The following CLASP2 variants were observed in gnomAD, a reference collection of about 807,000 sequenced individuals.
CLASP2 encodes cytoplasmic linker associated protein 2.
Under a neutral mutation model 194.4 loss-of-function variants are expected in CLASP2, and 47 were observed. The observed-to-expected ratio is 0.24, with a 90% CI of 0.19 to 0.31. CLASP2 has a LOEUF of 0.31. Ranked by LOEUF, CLASP2 falls within the 10% of genes least tolerant of loss-of-function variation. The pLI is 1.00. For missense variants in CLASP2, 1,445 were observed against 1,823.6 expected (o/e 0.79, Z 3.78); for synonymous variants, 619 against 633.5 (o/e 0.98, Z 0.34).
At chr3:33,670,437 A>T (rs1657685710) in intron 6 of CLASP2, among the ~76,000 whole-genome samples, 1 of 152,156 alleles carries the variant, frequency 6.6e-6, no homozygotes, top group African/African-American at 2.4e-5. Flanking sequence ...CATTTAAAAT[A>T]TTTTTTTAAA....
rs1436320240 is a variant in CLASP2 at position 33,602,052 on chromosome 3, C to T, written c.1924+900G>A. Among the ~76,000 whole-genome samples the T allele has an allele frequency of 1.2e-4, 18 of 147,706 alleles. 1 individual carries two copies. The highest frequency in any genetic ancestry group is 1.5e-5 in the Non-Finnish European group (1 of 67,466). On this transcript the variant is annotated intron_variant, in intron 18 of 38. Transcript: ENST00000682230. ...TTTTTTTGACGGAGTCTCACTCTGT[C>T]GCCCAGGCTGCAGTGCAATGGCACG...
At chr3:33,672,872 C>T (rs1375226108) in intron 6 of CLASP2, among the ~76,000 whole-genome samples, 4 of 152,000 alleles carry the variant, frequency 2.6e-5, no homozygotes, top group Non-Finnish European at 4.4e-5. Context: ...TGAAATGAAG[C>T]AAGAAGGGAA....
intron 37 of CLASP2, among the ~76,000 whole-genome samples, chr3:33,508,107 A>G (rs542436768): frequency 7.3e-5 from 11 of 151,466 alleles, no homozygotes; most frequent in Non-Finnish European, 1.5e-4. Flanking sequence ...TGATTCTCCT[A>G]CCTCAGCCTG....
intron 10 of CLASP2, among the ~76,000 whole-genome samples, chr3:33,624,712 GTCTC>G (rs770785716): frequency 3.9e-5 from 6 of 151,974 alleles, no homozygotes; most frequent in African/African-American, 7.2e-5. Context: ...GTGAATGTGG[GTCTC>G]TCTCTATCAA....
intron 18 of CLASP2, among the ~76,000 whole-genome samples, chr3:33,600,825 A>G (rs528381965): frequency 6.6e-6 from 1 of 152,328 alleles, no homozygotes; most frequent in African/African-American, 2.4e-5. Flanking sequence ...CGTTATTAAA[A>G]ACATAATTAT....
intron 9 of CLASP2, among the ~76,000 whole-genome samples, chr3:33,631,920 T>C (rs914458672): frequency 6.6e-6 from 1 of 152,168 alleles, no homozygotes; most frequent in East Asian, 1.9e-4. Context: ...TTATGTGTAT[T>C]TTTAAGTCAT....
At chr3:33,584,098 A>G (rs1239277936) in intron 22 of CLASP2, among the ~76,000 whole-genome samples, 1 of 152,184 alleles carries the variant, frequency 6.6e-6, no homozygotes, top group Non-Finnish European at 1.5e-5. Flanking sequence ...AGAAAATATT[A>G]AAGTTTACTA....
chr3:33,630,059 G>T (rs753092530), intron 9 of CLASP2, among the ~76,000 whole-genome samples: 5 of 152,160 alleles, frequency 3.3e-5, no homozygotes, highest in Non-Finnish European at 2.9e-5. Context: ...AATGACTTTG[G>T]AAACGTAACG....
At chr3:33,636,202 C>A (rs1466558921) in intron 8 of CLASP2, among the ~76,000 whole-genome samples, 1 of 152,126 alleles carries the variant, frequency 6.6e-6, no homozygotes, top group Admixed American at 6.5e-5. Context: ...CAACAAATCA[C>A]GTAGTAAAGA....
At position 33,538,790 on chromosome 3, in the gene CLASP2, G is replaced by T; in HGVS notation, c.3557C>A (p.Ser1186Ter). The change falls in exon 33 of 39, where the codon TCA (serine) becomes TAA (stop). Residue 1186 changes from serine to a stop codon, truncating the protein, a stop_gained and splice_region_variant. Transcript: ENST00000682230. LOFTEE classifies it high-confidence loss of function. ...AAGTAAGGATATTAAAATACTTACT[G>T]AATCGCCATCATCTTTTTTAGAATC... ...KRDSKKDDGDSMCGGPGMSDP... is the reference protein window; with the variant it reads ...KRDSKKDDGD 6.4e-7 allele frequency: 1 copy of T among 1,570,396 alleles called. No homozygotes were observed. The highest frequency in any genetic ancestry group is 8.6e-7 in the Non-Finnish European group (1 of 1,161,612).
intron 16 of CLASP2, 95 bp from the exon 17 acceptor site, chr3:33,604,304 G>T: frequency 3.7e-6 from 3 of 802,502 alleles, no homozygotes; most frequent in Non-Finnish European, 6.1e-6. Context: ...GGAAAGTTGA[G>T]AAGTATTTCT....
chr3:33,682,287 GTGAC>G (rs1349295741), intron 6 of CLASP2, among the ~76,000 whole-genome samples: 2 of 152,046 alleles, frequency 1.3e-5, no homozygotes, highest in East Asian at 1.9e-4. Context: ...TGATGGTATT[GTGAC>G]TGACAAAAAA....
At chr3:33,560,014 A>G (rs2061556814) in intron 28 of CLASP2, among the ~76,000 whole-genome samples, 1 of 152,182 alleles carries the variant, frequency 6.6e-6, no homozygotes, top group Non-Finnish European at 1.5e-5. Flanking sequence ...CTCTATACCT[A>G]AAATCTGAAT....
At chr3:33,605,279 C>T (rs2073520543) in intron 16 of CLASP2, among the ~76,000 whole-genome samples, 1 of 152,020 alleles carries the variant, frequency 6.6e-6, no homozygotes, top group African/African-American at 2.4e-5. Context: ...AAAGTCTGAG[C>T]ATAGTTAATA....
intron 6 of CLASP2, among the ~76,000 whole-genome samples, chr3:33,678,174 G>A (rs1293735165): frequency 6.6e-6 from 1 of 151,848 alleles, no homozygotes; most frequent in Non-Finnish European, 1.5e-5. Context: ...GAACAAGAAA[G>A]AACAGAAAGA....
In CLASP2 at chr3:33,623,030, A is replaced by C. The variant is rs972722748; in HGVS notation, c.1036-750T>G. On this transcript the variant is annotated intron_variant, in intron 10 of 38. Transcript: ENST00000682230. Reference sequence around the variant, plus strand: ...CACTGTGTTGGCCAGGCTGATCTCAAACTCCTGGCTTCAACGGATCCACCC... The same window carrying C: ...CACTGTGTTGGCCAGGCTGATCTCACACTCCTGGCTTCAACGGATCCACCC... 2.6e-5 allele frequency among the ~76,000 whole-genome samples: 4 copies of C among 152,246 alleles called. No individual in the cohort carries two copies. In the South Asian group the frequency reaches 8.3e-4, roughly 32 times the overall value.
intron 7 of CLASP2, among the ~76,000 whole-genome samples, chr3:33,650,081 T>G (rs1248687188): frequency 1.3e-5 from 2 of 152,202 alleles, no homozygotes; most frequent in Non-Finnish European, 2.9e-5. Flanking sequence ...CTTAAAATCC[T>G]AGAGTTATCA....
At chr3:33,656,343 G>C (rs1184759188) in intron 7 of CLASP2, among the ~76,000 whole-genome samples, 1 of 152,222 alleles carries the variant, frequency 6.6e-6, no homozygotes, top group East Asian at 1.9e-4. Context: ...CCAAAAAGTT[G>C]GCTACAATGC....
intron 21 of CLASP2, among the ~76,000 whole-genome samples, chr3:33,587,423 C>A (rs1022762382): frequency 6.6e-6 from 1 of 152,148 alleles, no homozygotes; most frequent in Non-Finnish European, 1.5e-5. Flanking sequence ...CGCACCCGGC[C>A]GATCTGTGAT....
Sources: allele counts gnomAD v4.1 joint callset (sites outside exome capture counted in the v4.1 genomes callset), GRCh38; gene constraint gnomAD v4.1.1; transcripts MANE v1.5; gene names NCBI Gene and HGNC (gene_info 2026-07-23, HGNC 2026-07-21).